The following SV2C variants were observed in gnomAD, a reference collection of about 807,000 sequenced individuals.
The protein encoded by SV2C is synaptic vesicle glycoprotein 2C, also known as solute carrier family 22 member B3.
In SV2C, 49 loss-of-function variants were observed where a neutral mutation model predicts 79.7. The observed-to-expected ratio is 0.61, with a 90% CI of 0.49 to 0.78. SV2C has a LOEUF of 0.78. SV2C is among the 30% of genes least tolerant of loss of function. SV2C has a pLI of 0.00. For missense variants in SV2C, 833 were observed against 912.9 expected (o/e 0.91, Z 1.13); for synonymous variants, 334 against 333.2 (o/e 1.00, Z -0.03).
the SV2C span, among the ~76,000 whole-genome samples, chr5:75,898,772 C>T: frequency 6.6e-6 from 1 of 152,134 alleles, no homozygotes; most frequent in Non-Finnish European, 1.5e-5. Flanking sequence ...TTCAGAGATT[C>T]AACTTCCTCC....
downstream of SV2C, among the ~76,000 whole-genome samples, chr5:76,338,653 CTTTT>C (rs1561325616): frequency 5.5e-5 from 7 of 127,326 alleles, no homozygotes; most frequent in South Asian, 2.7e-4. Flanking sequence ...TTTTCTTTTT[CTTTT>C]TCTTTTTTTT....
At chr5:76,040,457 C>A in the SV2C span, among the ~76,000 whole-genome samples, 1 of 152,158 alleles carries the variant, frequency 6.6e-6, no homozygotes, top group Non-Finnish European at 1.5e-5. Context: ...TTGATACCAT[C>A]ATATAGAAGA....
chr5:76,281,037 A>T, intron 4 of SV2C: 1 of 541,064 alleles, frequency 1.8e-6, no homozygotes, highest in Non-Finnish European at 3.8e-6. Context: ...CCAAGTTCTA[A>T]ATCAGTCGGC....
At chr5:76,301,946 C>T (rs1483139910) in intron 12 of SV2C, among the ~76,000 whole-genome samples, 1 of 148,880 alleles carries the variant, frequency 6.7e-6, no homozygotes, top group African/African-American at 2.5e-5. Context: ...ACTGTCACTT[C>T]CCCAGGAAAG....
intron 12 of SV2C, among the ~76,000 whole-genome samples, chr5:76,349,628 C>G (rs994615253): frequency 1.3e-5 from 2 of 151,762 alleles, no homozygotes; most frequent in Admixed American, 6.6e-5. Context: ...AGTTTTGGCT[C>G]TCCACAAGAA....
intron 2 of SV2C, among the ~76,000 whole-genome samples, chr5:76,163,845 T>C (rs1742966147): frequency 2.0e-5 from 3 of 152,204 alleles, no homozygotes; most frequent in South Asian, 4.1e-4. Flanking sequence ...TGTATTCTTT[T>C]TGAGTTTCCA....
intron 2 of SV2C, among the ~76,000 whole-genome samples, chr5:76,143,914 C>T (rs575348708): frequency 7.2e-5 from 11 of 152,102 alleles, no homozygotes; most frequent in Admixed American, 3.9e-4. Flanking sequence ...AATCAAAAAC[C>T]CTAAATTTGA....
chr5:76,159,214 AG>A (rs1464576712), intron 2 of SV2C, among the ~76,000 whole-genome samples: 1 of 152,130 alleles, frequency 6.6e-6, no homozygotes, highest in Non-Finnish European at 1.5e-5. Context: ...CTCTAAGATC[AG>A]GAACAAGACA....
chr5:76,216,908 T>C (rs115756285), intron 4 of SV2C, among the ~76,000 whole-genome samples: 2,063 of 152,354 alleles, frequency 0.014, 25 homozygotes, highest in Non-Finnish European at 0.015. Flanking sequence ...GCTGCTAGAC[T>C]GCGGCACTGT....
intron 2 of SV2C, among the ~76,000 whole-genome samples, chr5:76,191,197 CTT>C (rs1744091551): frequency 1.3e-5 from 2 of 151,456 alleles, no homozygotes; most frequent in African/African-American, 4.9e-5. Context: ...GTGCTACACA[CTT>C]TTAAACAACC....
chr5:76,174,752 A>AT (rs1416952823), intron 2 of SV2C, among the ~76,000 whole-genome samples: 1 of 152,268 alleles, frequency 6.6e-6, no homozygotes, highest in Non-Finnish European at 1.5e-5. Context: ...AAACCTGCAC[A>AT]TTCTTTGTTA....
intron 1 of SV2C, among the ~76,000 whole-genome samples, chr5:76,120,153 T>A (rs920068955): frequency 6.6e-6 from 1 of 152,098 alleles, no homozygotes; most frequent in Non-Finnish European, 1.5e-5. Flanking sequence ...TGTCAAAAAA[T>A]TTTAAAAAGA....
the SV2C span, among the ~76,000 whole-genome samples, chr5:75,952,813 T>A: frequency 6.6e-6 from 1 of 151,934 alleles, no homozygotes; most frequent in African/African-American, 2.4e-5. Context: ...CCTCAGGTAT[T>A]TCTTTATAGC....
intron 2 of SV2C, among the ~76,000 whole-genome samples, chr5:76,190,749 T>G (rs58324193): frequency 0.012 from 1,864 of 152,314 alleles, 38 homozygotes; most frequent in African/African-American, 0.042. Context: ...CAAATGCACC[T>G]ACTTCTTATG....
intron 4 of SV2C, among the ~76,000 whole-genome samples, chr5:76,213,021 A>G (rs966405594): frequency 6.6e-6 from 1 of 152,240 alleles, no homozygotes; most frequent in Non-Finnish European, 1.5e-5. Flanking sequence ...TACAAAAAAC[A>G]ATGACGACAC....
At chr5:75,880,846 A>G in the SV2C span, among the ~76,000 whole-genome samples, 1 of 152,204 alleles carries the variant, frequency 6.6e-6, no homozygotes, top group African/African-American at 2.4e-5. Flanking sequence ...GCATTGCTAT[A>G]AAGAAATACC....
At chr5:76,220,709 A>G (rs571989823) in intron 4 of SV2C, among the ~76,000 whole-genome samples, 2 of 152,200 alleles carry the variant, frequency 1.3e-5, no homozygotes, top group African/African-American at 4.8e-5. Context: ...TTTATATCAC[A>G]TGAAAGCAGT....
the SV2C span, among the ~76,000 whole-genome samples, chr5:75,984,907 G>A: frequency 6.6e-6 from 1 of 151,970 alleles, no homozygotes. Flanking sequence ...ACTGACTATA[G>A]GCTTTTATCA....
the SV2C span, among the ~76,000 whole-genome samples, chr5:75,970,278 G>C: frequency 1.3e-5 from 2 of 151,992 alleles, no homozygotes; most frequent in Admixed American, 6.6e-5. Context: ...AGAAGCAAGA[G>C]CAAACACATT....
Sources: allele counts gnomAD v4.1 joint callset (sites outside exome capture counted in the v4.1 genomes callset), GRCh38; gene constraint gnomAD v4.1.1; transcripts MANE v1.5; gene names NCBI Gene and HGNC (gene_info 2026-07-23, HGNC 2026-07-21).